GLRA2: variants seen among roughly 807,000 people sequenced by gnomAD.
The protein encoded by GLRA2 is glycine receptor alpha 2.
GLRA2 carries 11 observed loss-of-function variants against 31.6 expected under a neutral mutation model. The ratio of observed to expected loss-of-function variants is 0.35; its 90% confidence interval spans 0.22 to 0.58. GLRA2 has a LOEUF of 0.58. GLRA2 is among the 20% of genes least tolerant of loss of function. GLRA2 has a pLI of 0.84. For synonymous variants in GLRA2, 132 were observed against 134.0 expected, an observed-to-expected ratio of 0.99 and a Z score of 0.10; for missense variants, 212 against 351.8, an observed-to-expected ratio of 0.60 and a Z score of 3.18.
At chrX:14,608,214 A>T (rs373708786) in intron 6 of GLRA2, among the ~76,000 whole-genome samples, 1 of 111,679 alleles carries the variant, frequency 9.0e-6, no homozygotes, top group South Asian at 3.7e-4. Flanking sequence ...TTCTAACTCC[A>T]AGTCAATTAA....
At chrX:14,452,601 T>C in the GLRA2 span, among the ~76,000 whole-genome samples, 142 of 112,235 alleles carry the variant, frequency 1.3e-3, 2 homozygotes, top group East Asian at 0.033. Context: ...AGGGGAAAGC[T>C]TATTTTGTTC....
At chrX:14,723,853 T>C (rs1006997382) in intron 8 of GLRA2, among the ~76,000 whole-genome samples, 1 of 112,476 alleles carries the variant, frequency 8.9e-6, no homozygotes, top group Non-Finnish European at 1.9e-5. Context: ...TAGCATCTTA[T>C]AATTTTCCTT....
the GLRA2 span, among the ~76,000 whole-genome samples, chrX:14,518,419 A>G: frequency 1.8e-5 from 2 of 111,749 alleles, no homozygotes; most frequent in African/African-American, 3.3e-5. Flanking sequence ...ATGTATAAGA[A>G]TATTATGCAG....
At chrX:14,631,922 A>C in intron 7 of GLRA2, among the ~76,000 whole-genome samples, 1 of 95,304 alleles carries the variant, frequency 1.0e-5, no homozygotes, top group Non-Finnish European at 2.1e-5. Flanking sequence ...ATACATATGT[A>C]TATGTATATA....
rs193065649 is a variant in GLRA2 at position 14,535,589 on chromosome X, C to T, written c.202+3217C>T. ...ATTTTATCTATAAGATCCATAGAGA[C>T]GTGTTTCAGATCTTGTCAAAACATA... On this transcript the variant is annotated intron_variant, in intron 2 of 8. Coordinates refer to ENST00000218075, the MANE Select transcript of GLRA2 (RefSeq NM_002063.4). Among the ~76,000 whole-genome samples the T allele has an allele frequency of 7.1e-5, 8 of 112,383 alleles. No homozygotes were observed. In the East Asian group the frequency reaches 2.2e-3, roughly 31 times the overall value.
At chrX:14,590,202 G>A (rs182097467) in intron 4 of GLRA2, among the ~76,000 whole-genome samples, 9 of 111,554 alleles carry the variant, frequency 8.1e-5, no homozygotes, top group Non-Finnish European at 1.5e-4. Context: ...AATTCTGGGT[G>A]TTGATAATTC....
intron 3 of GLRA2, among the ~76,000 whole-genome samples, chrX:14,575,130 C>T (rs1485207458): frequency 9.2e-6 from 1 of 108,797 alleles, no homozygotes; most frequent in East Asian, 2.8e-4. Flanking sequence ...ATTAGAAGCT[C>T]ATTATACAGT....
the GLRA2 span, among the ~76,000 whole-genome samples, chrX:14,466,861 A>T: frequency 8.9e-6 from 1 of 112,185 alleles, no homozygotes; most frequent in African/African-American, 3.2e-5. Flanking sequence ...AAATGCCTGG[A>T]TAGACTAAAG....
intron 4 of GLRA2, among the ~76,000 whole-genome samples, chrX:14,595,478 A>T (rs2090191579): frequency 8.9e-6 from 1 of 111,889 alleles, no homozygotes; most frequent in Admixed American, 9.5e-5. Flanking sequence ...GCATTACATG[A>T]TGTAAGTTCA....
the GLRA2 span, among the ~76,000 whole-genome samples, chrX:14,484,297 T>C: frequency 8.9e-6 from 1 of 111,853 alleles, no homozygotes. Context: ...AAATGGAAAA[T>C]GGTCTTCAAA....
chrX:14,670,234 G>A (rs747385253), intron 7 of GLRA2, among the ~76,000 whole-genome samples: 82 of 111,330 alleles, frequency 7.4e-4, no homozygotes, highest in African/African-American at 2.1e-3. Flanking sequence ...TATCACTATC[G>A]GCATTTTTGT....
chrX:14,536,743 C>A (rs2089329437), intron 2 of GLRA2, among the ~76,000 whole-genome samples: 1 of 110,863 alleles, frequency 9.0e-6, no homozygotes, highest in South Asian at 3.8e-4. Flanking sequence ...TGAGGTAAAT[C>A]ACTCTTTAAT....
chrX:14,464,297 G>C, the GLRA2 span, among the ~76,000 whole-genome samples: 2 of 111,590 alleles, frequency 1.8e-5, no homozygotes, highest in African/African-American at 3.3e-5. Flanking sequence ...TTTTTCACAG[G>C]AGTTTTATAG....
intron 7 of GLRA2, among the ~76,000 whole-genome samples, chrX:14,652,460 T>C (rs1434197952): frequency 9.0e-6 from 1 of 111,719 alleles, no homozygotes; most frequent in African/African-American, 3.3e-5. Flanking sequence ...AATTGAAGAT[T>C]TGTCGCAACC....
chrX:14,478,323 A>G, the GLRA2 span, among the ~76,000 whole-genome samples: 1 of 111,659 alleles, frequency 9.0e-6, no homozygotes. Flanking sequence ...CAGCCAAAGG[A>G]GTCGTAAGTA....
At chrX:14,474,235 TC>T in the GLRA2 span, among the ~76,000 whole-genome samples, 1 of 111,491 alleles carries the variant, frequency 9.0e-6, no homozygotes, top group Non-Finnish European at 1.9e-5. Flanking sequence ...ATTATTTCAA[TC>T]TCTCATGTAT....
At chrX:14,726,164 A>G (rs778393822) in intron 8 of GLRA2, among the ~76,000 whole-genome samples, 1 of 112,303 alleles carries the variant, frequency 8.9e-6, no homozygotes, top group Non-Finnish European at 1.9e-5. Context: ...TTTTAGTTTC[A>G]GTTTATCCAT....
chrX:14,581,051 A>C (rs2090010991), intron 3 of GLRA2, 132 bp from the exon 4 acceptor site: 1 of 457,707 alleles, frequency 2.2e-6, no homozygotes, highest in African/African-American at 2.4e-5. Context: ...GTTTATTTTG[A>C]CCAAGGTATA....
intron 8 of GLRA2, among the ~76,000 whole-genome samples, chrX:14,699,979 G>A (rs766540571): frequency 3.6e-5 from 4 of 111,675 alleles, no homozygotes; most frequent in Non-Finnish European, 7.5e-5. Flanking sequence ...GTCTTTTGGA[G>A]GGTGGAGGGT....
Sources: allele counts gnomAD v4.1 joint callset (sites outside exome capture counted in the v4.1 genomes callset), GRCh38; gene constraint gnomAD v4.1.1; transcripts MANE v1.5; gene names NCBI Gene and HGNC (gene_info 2026-07-23, HGNC 2026-07-21).